Variants in LOX observed in about 807,000 individuals in gnomAD.
The protein encoded by LOX is protein-lysine 6-oxidase.
In LOX, 12 loss-of-function variants were observed where a neutral mutation model predicts 50.5. That is an observed-to-expected ratio of 0.24 (90% CI 0.15 to 0.38). LOX has a LOEUF of 0.38. LOX is among the 10% of genes least tolerant of loss of function. The pLI is 1.00. For synonymous variants in LOX, 254 were observed against 230.6 expected (o/e 1.10, Z -0.92); for missense variants, 504 against 563.8 (o/e 0.89, Z 1.07).
intron 2 of LOX, chr5:122,076,203 C>T (rs573065070): frequency 6.6e-6 from 1 of 152,318 alleles, no homozygotes; most frequent in Admixed American, 6.5e-5. Flanking sequence ...TACAAATAAA[C>T]ATCACTGTGT....
intron 3 of LOX, 152 bp downstream of exon 3, chr5:122,075,252 G>A (rs1754582482): frequency 1.6e-6 from 1 of 637,184 alleles, no homozygotes; most frequent in Non-Finnish European, 2.6e-6. Flanking sequence ...GTAGTAGATG[G>A]GTTATGTGAA....
Position 122,064,561 on chromosome 5 carries a change from CTTTAA to C in LOX, c.*2177_*2181del, listed in dbSNP as rs1429988628. The stretch of plus-strand genomic sequence containing the variant: ...AAATACATACATGCATATAATTAAC[CTTTAA>C]TTTATTTTTAAAAATAAATTATGGT... On this transcript the variant is annotated 3_prime_UTR_variant, in exon 7 of 7. Transcript: ENST00000231004. 1 of 151,668 alleles carries C rather than the reference CTTTAA, an allele frequency of 6.6e-6. No homozygotes were observed. The highest frequency in any genetic ancestry group is 2.4e-5 in the African/African-American group (1 of 41,396). 9.4% of individuals were successfully genotyped at this position (151,668 alleles called of 1,614,324 possible).
intron 6 of LOX, among the ~76,000 whole-genome samples, chr5:122,068,329 A>G (rs1364726397): frequency 6.6e-6 from 1 of 152,132 alleles, no homozygotes; most frequent in African/African-American, 2.4e-5. Context: ...ATTAAAAGCA[A>G]GAGACATTCT....
chr5:122,073,944 G>T (rs1754532589), intron 4 of LOX, 69 bp downstream of exon 4: 1 of 1,405,288 alleles, frequency 7.1e-7, no homozygotes, highest in East Asian at 2.3e-5. Context: ...GCTATTTAAT[G>T]CTAACTAACG....
In LOX at chr5:122,064,882, T is replaced by G. The variant is rs1256646726; in HGVS notation, c.*1861A>C. 6 of 152,028 alleles carry G rather than the reference T, an allele frequency of 3.9e-5. No homozygotes were observed. The highest frequency in any genetic ancestry group is 7.4e-5 in the Non-Finnish European group (5 of 67,966). 9.4% of individuals were successfully genotyped at this position (152,028 alleles called of 1,614,324 possible). On this transcript the variant is annotated 3_prime_UTR_variant, in exon 7 of 7. Transcript: ENST00000231004. ...CTAGTTTTTAATACAAGCTTAAGAA[T>G]CAATAAAATGATAGATCTGAAATCT... is the stretch of plus-strand genomic sequence containing the variant.
At position 122,069,156 on chromosome 5, in the gene LOX, A is replaced by T. The variant is rs79242217; in HGVS notation, c.1247+897T>A. Among the ~76,000 whole-genome samples, 862 of 152,242 alleles carry T rather than the reference A, an allele frequency of 5.7e-3. 10 individuals are homozygous for T. Among genetic ancestry groups the T allele is most frequent in the African/African-American group, 0.02 (815 of 41,556 alleles). ...TATGTAGAAAGTCCTGGGTTTTTGT[A>T]TCAGGCAGAAATTTCTATTAATTAT... is the stretch of plus-strand genomic sequence containing the variant. On this transcript the variant is annotated intron_variant, in intron 6 of 6. Transcript: ENST00000231004.
chr5:122,063,705 A>C lies in LOX; in HGVS notation c.*3038T>G, dbSNP rs1754226691. ...AATACACTGATTCGTATCAAAACAC[A>C]TTATTTTTAAAACAAAATATCTCCT... On this transcript the variant is annotated 3_prime_UTR_variant, in exon 7 of 7. Coordinates refer to ENST00000231004, the MANE Select transcript of LOX (RefSeq NM_002317.7). 6.6e-6 allele frequency: 1 copy of C among 151,950 alleles called. No individual in the cohort carries two copies. Among genetic ancestry groups the C allele is most frequent in the Non-Finnish European group, 1.5e-5 (1 of 67,874 alleles). 9.4% of individuals were successfully genotyped at this position (151,950 alleles called of 1,614,324 possible). A position where few individuals can be genotyped will look rare whatever the true frequency, so the allele number is the denominator to read the frequency against.
intron 6 of LOX, among the ~76,000 whole-genome samples, chr5:122,068,660 G>A (rs1459989367): frequency 1.3e-5 from 2 of 152,096 alleles, no homozygotes; most frequent in Non-Finnish European, 2.9e-5. Context: ...AGTAGAGCAG[G>A]AGACAGACAT....
chr5:122,069,900 A>G, intron 6 of LOX, 153 bp downstream of exon 6: 1 of 706,792 alleles, frequency 1.4e-6, no homozygotes, highest in East Asian at 2.7e-5. Flanking sequence ...TTATTTAAAA[A>G]AATAAAATCA....
rs1754651303 is a variant in LOX, at chr5:122,076,833, C to A, written c.740+60G>T. On this transcript the variant is annotated intron_variant, in intron 2 of 6. Transcript: ENST00000231004. ...CGAAGCAGTAGCAGTCAGAACCAGG[C>A]ACCAGAGCGCCCCCTGAAGGTAGAC... is the stretch of plus-strand genomic sequence containing the variant. The A allele has an allele frequency of 7.5e-6, 11 of 1,467,958 alleles. No individual in the cohort carries two copies. In the South Asian group the frequency reaches 1.0e-4, roughly 14 times the overall value. The allele number at this position is 1,467,958 out of a possible 1,614,324, so 90.9% of individuals were successfully genotyped here.
Position 122,074,021 on chromosome 5 carries a change from G to A in LOX, c.1027C>T (p.His343Tyr), listed in dbSNP as rs751585600. The A allele has an allele frequency of 6.2e-7, 1 of 1,613,856 alleles. No individual in the cohort carries two copies. Among genetic ancestry groups the A allele is most frequent in the African/African-American group, 1.3e-5 (1 of 75,056 alleles). Residue 343 changes from histidine (H) to tyrosine (Y), a missense_variant, in exon 4 of 7, where the codon CAC becomes TAC. Around this residue, in one of 2 missense-constraint regions of LOX, gnomAD observed 106 missense variants for 198.1 expected, o/e 0.54. Transcript: ENST00000231004. ...TCAGGGTGCCAACATACCTGTGTGT[G>A]TGCAGTACATGCAAATCGCCTGTGG... ...GYHRRFACTAHTQGLSPGCYD... is the reference protein window; with the variant it reads ...GYHRRFACTAYTQGLSPGCYD...
intron 2 of LOX, 138 bp from the exon 3 acceptor site, chr5:122,075,679 T>C: frequency 1.9e-6 from 1 of 518,450 alleles, no homozygotes. Flanking sequence ...GTCTAAGGCA[T>C]TTTGTTTCTT....
intron 3 of LOX, among the ~76,000 whole-genome samples, chr5:122,074,643 T>C (rs957555626): frequency 1.3e-5 from 2 of 152,218 alleles, no homozygotes; most frequent in Non-Finnish European, 2.9e-5. Flanking sequence ...CATGGCATGT[T>C]TTATCCACCA....
At position 122,072,434 on chromosome 5, in the gene LOX, TTAA is replaced by T. The variant is rs755422735; in HGVS notation, c.1035+1576_1035+1578del. 1.2e-4 allele frequency among the ~76,000 whole-genome samples: 19 copies of T among 152,204 alleles called. No homozygotes were observed. In the East Asian group the frequency reaches 2.5e-3, roughly 20 times the overall value. On this transcript the variant is annotated intron_variant, in intron 4 of 6. Coordinates refer to ENST00000231004, the MANE Select transcript of LOX (RefSeq NM_002317.7). ...AATACATACTATTTGTTACATTAAA[TTAA>T]TAAGGTGAATTCAACTGTTTTAGTT...
At chr5:122,075,611 A>G (rs1212643746) in intron 2 of LOX, 70 bp from the exon 3 acceptor site, 2 of 1,048,128 alleles carry the variant, frequency 1.9e-6, no homozygotes, top group Non-Finnish European at 2.8e-6. Flanking sequence ...TACAAATAAA[A>G]CATCCATTAT....
chr5:122,068,941 T>C (rs1032964525), intron 6 of LOX, among the ~76,000 whole-genome samples: 1 of 151,804 alleles, frequency 6.6e-6, no homozygotes, highest in African/African-American at 2.4e-5. Context: ...GCGGTGGGGG[T>C]CGGGGGTTGG....
Position 122,078,018 on chromosome 5 carries a change from A to T in LOX, c.-33T>A. The T allele has an allele frequency of 2.1e-6, 3 of 1,436,706 alleles. No homozygotes were observed. The highest frequency in any genetic ancestry group is 2.7e-6 in the Non-Finnish European group (3 of 1,096,920). The allele number at this position is 1,436,706 out of a possible 1,614,324, so 89.0% of individuals were successfully genotyped here. A position where few individuals can be genotyped will look rare whatever the true frequency, so the allele number is the denominator to read the frequency against. On this transcript the variant is annotated 5_prime_UTR_variant, in exon 1 of 7. Transcript: ENST00000231004. ...TTTGCCAGATTGACCCCGCTCGAGG[A>T]GGACGTGGCTCACAGAAAATAAAAA...
At chr5:122,072,167 A>G (rs543476807) in intron 4 of LOX, among the ~76,000 whole-genome samples, 38 of 152,338 alleles carry the variant, frequency 2.5e-4, no homozygotes, top group African/African-American at 8.9e-4. Flanking sequence ...AGATGGGTTT[A>G]CATAATGCTT....
chr5:122,069,941 C>T (rs761675188), intron 6 of LOX, 112 bp downstream of exon 6: 1 of 822,846 alleles, frequency 1.2e-6, no homozygotes, highest in Non-Finnish European at 2.1e-6. Flanking sequence ...CTTTGGTCTG[C>T]TTACAAGAAA....
Sources: gnomAD v4.1 joint callset for allele counts (sites outside exome capture counted in the v4.1 genomes callset) on GRCh38, gnomAD v4.1.1 for gene constraint, gnomAD v4.1.1 regional missense constraint, MANE v1.5 for transcripts, NCBI Gene and HGNC (gene_info 2026-07-23, HGNC 2026-07-21) for gene names.